Variants in BNC2 observed in about 807,000 individuals in gnomAD.
BNC2 encodes the protein basonuclin zinc finger protein 2, also known as zinc finger protein basonuclin-2.
In BNC2, 20 loss-of-function variants were observed where a neutral mutation model predicts 76.3. The ratio of observed to expected loss-of-function variants is 0.26; its 90% CI spans 0.18 to 0.38. BNC2 has a LOEUF of 0.38. Among genes scored for constraint, BNC2 ranks in the 10% least tolerant of loss-of-function variants. BNC2 has a pLI of 1.00. For missense variants in BNC2, 1,382 were observed against 1,399.8 expected (o/e 0.99, Z 0.20); for synonymous variants, 582 against 514.8 (o/e 1.13, Z -1.77).
chr9:16,507,306 G>A lies in BNC2; in HGVS notation c.669+45224C>T, dbSNP rs1176778835. 9.7e-5 allele frequency among the ~76,000 whole-genome samples: 12 copies of A among 123,098 alleles called. No homozygotes were observed. The East Asian group carries it at 1.1e-3, about 12-fold the overall frequency. The allele number at this position is 123,098 out of a possible 152,430, so 80.8% of individuals were successfully genotyped here. On this transcript the variant is annotated intron_variant, in intron 5 of 6. Transcript: ENST00000380672. ...GGAGTCTCGTTCTGTCGCCCATACCGGAGTGTGGAGTGCAGTGGCTTGATC... is the reference window on the plus strand; with the variant it reads ...GGAGTCTCGTTCTGTCGCCCATACCAGAGTGTGGAGTGCAGTGGCTTGATC...
At chr9:16,791,988 A>C (rs1309448313) in intron 1 of BNC2, among the ~76,000 whole-genome samples, 1 of 151,822 alleles carries the variant, frequency 6.6e-6, no homozygotes, top group South Asian at 2.1e-4. Context: ...TGTGGTCCCA[A>C]CTACTTGGGA....
chr9:16,759,792 C>T (rs546622302), intron 1 of BNC2, among the ~76,000 whole-genome samples: 3 of 151,692 alleles, frequency 2.0e-5, no homozygotes, highest in East Asian at 1.9e-4. Flanking sequence ...GGCACCATCC[C>T]GGCTCACTGC....
rs563935061 is a variant in BNC2, at chr9:16,669,220, T to C, written c.330+58577A>G. On this transcript the variant is annotated intron_variant, in intron 3 of 6. Transcript: ENST00000380672. ...TATAATGGAAAGCAACTGCCATATA[T>C]TGAAAGTGACCAACCACAAGATAAA... Among the ~76,000 whole-genome samples the C allele has an allele frequency of 7.2e-5, 11 of 152,288 alleles. 1 individual carries two copies. The South Asian group carries it at 2.3e-3, about 32-fold the overall frequency.
rs777030729 is a variant in BNC2 at position 16,437,065 on chromosome 9, T to G, written c.1129A>C (p.Lys377Gln). The G allele has an allele frequency of 6.2e-7, 1 of 1,614,094 alleles. No homozygotes were observed. Residue 377 changes from lysine to glutamine, a missense_variant, in exon 6 of 7, where the codon AAG (lysine) becomes CAG (glutamine). By Grantham distance (53) the Lys-to-Gln change is moderately conservative. Coordinates refer to ENST00000380672, the MANE Select transcript of BNC2 (RefSeq NM_017637.6). Reference sequence around the variant, plus strand: ...TTTCTATTGGGTGTTTGATCATTCTTATAAGGTGTGGGAGAAACTTCGGAT... The same window carrying G: ...TTTCTATTGGGTGTTTGATCATTCTGATAAGGTGTGGGAGAAACTTCGGAT... ...SESEVSPTPY[K>Q]NDQTPNRNAL...
In BNC2 at chr9:16,583,003, T is replaced by C. The variant is rs888266422; in HGVS notation, c.413A>G (p.Lys138Arg). The change falls in exon 4 of 7, where the codon AAA (lysine) becomes AGA (arginine). Residue 138 changes from lysine (K) to arginine (R), a missense_variant. By Grantham distance (26) the Lys-to-Arg change is conservative (BLOSUM62 2). Around this residue, in one of 3 missense-constraint regions of BNC2, gnomAD observed 557 missense variants for 540.9 expected, o/e 1.03. Transcript: ENST00000380672. ...CTCACCATGTGCCACCCAGCCATGTTTACACTGATCACAAGTCCTCAGGTT... is the reference window on the plus strand; with the variant it reads ...CTCACCATGTGCCACCCAGCCATGTCTACACTGATCACAAGTCCTCAGGTT... Reference protein sequence around the residue: ...KINLRTCDQCKHGWVAHALDK... With the variant: ...KINLRTCDQCRHGWVAHALDK... The C allele has an allele frequency of 5.0e-6, 8 of 1,613,680 alleles. No homozygotes were observed. Among genetic ancestry groups the C allele is most frequent in the Non-Finnish European group, 5.1e-6 (6 of 1,179,928 alleles).
intron 3 of BNC2, among the ~76,000 whole-genome samples, chr9:16,589,497 T>TTTTGTTTGTTTGTTTGTTTG (rs71325976): frequency 6.7e-6 from 1 of 148,998 alleles, no homozygotes; most frequent in Non-Finnish European, 1.5e-5. Flanking sequence ...AAAAGCCATT[T>TTTTGTTTGTTTGTTTGTTTG]TTTGTTTGTT....
intron 3 of BNC2, among the ~76,000 whole-genome samples, chr9:16,696,356 T>C (rs1292288389): frequency 6.6e-6 from 1 of 152,230 alleles, no homozygotes; most frequent in South Asian, 2.1e-4. Context: ...TTATGTCTCT[T>C]GCATACTGAT....
rs1820653142 is a variant in BNC2 at position 16,419,077 on chromosome 9, T to C, written c.3212A>G (p.Asn1071Ser). Residue 1071 changes from asparagine to serine, a missense_variant, in exon 7 of 7, where the codon AAT becomes AGT. Asn to Ser is a conservative substitution (Grantham distance 46). Transcript: ENST00000380672. ...EMHKCKVPGCNMMFSSVRSRN... is the reference protein window; with the variant it reads ...EMHKCKVPGCSMMFSSVRSRN... ...GCTTCGTACAGAGGAAAACATCATA[T>C]TGCAACCTGGGACTTTGCACTTGTG... The C allele has an allele frequency of 1.9e-6, 3 of 1,614,100 alleles. No homozygotes were observed. The highest frequency in any genetic ancestry group is 1.3e-5 in the African/African-American group (1 of 74,952).
intron 5 of BNC2, among the ~76,000 whole-genome samples, chr9:16,526,495 C>CTTTTTTTTTTTTTTTTTTTTTTTTTT (rs1817807644): frequency 4.0e-5 from 1 of 25,040 alleles, no homozygotes. Flanking sequence ...TTTTTTTTTG[C>CTTTTTTTTTTTTTTTTTTTTTTTTTT]CTTGTGATTC....
rs1824914513 is a variant in BNC2, at chr9:16,743,640, C to T, written c.4-5155G>A. On this transcript the variant is annotated intron_variant, in intron 1 of 6. Transcript: ENST00000380672. ...CTGATGCCAATGCAAACCACTCTTC[C>T]CATCCCACATCTGAACCACACTGGT... 2.0e-5 allele frequency among the ~76,000 whole-genome samples: 3 copies of T among 152,188 alleles called. No individual in the cohort carries two copies. The South Asian group carries it at 6.2e-4, about 32-fold the overall frequency.
chr9:16,860,141 C>T (rs1819362066), intron 1 of BNC2, among the ~76,000 whole-genome samples: 1 of 150,876 alleles, frequency 6.6e-6, no homozygotes, highest in African/African-American at 2.4e-5. Context: ...AAAGGATTAA[C>T]AAGATACATT....
At chr9:16,757,416 G>T (rs1825416971) in intron 1 of BNC2, among the ~76,000 whole-genome samples, 1 of 152,154 alleles carries the variant, frequency 6.6e-6, no homozygotes, top group Non-Finnish European at 1.5e-5. Context: ...TCAAGACAGA[G>T]ATAAACTCAC....
At chr9:16,652,168 A>G (rs1393805912) in intron 3 of BNC2, among the ~76,000 whole-genome samples, 1 of 152,244 alleles carries the variant, frequency 6.6e-6, no homozygotes, top group Non-Finnish European at 1.5e-5. Context: ...TAAAGACCCA[A>G]CAAAGAGAAA....
chr9:16,788,548 T>G (rs1453887779), intron 1 of BNC2, among the ~76,000 whole-genome samples: 1 of 139,018 alleles, frequency 7.2e-6, no homozygotes, highest in Non-Finnish European at 1.5e-5. Context: ...GCAACACTCC[T>G]TCTCAAAAAA....
At chr9:16,529,127 G>C (rs1817901138) in intron 5 of BNC2, among the ~76,000 whole-genome samples, 1 of 152,180 alleles carries the variant, frequency 6.6e-6, no homozygotes, top group African/African-American at 2.4e-5. Flanking sequence ...CAGGATGGTA[G>C]TTAGGGCCTA....
In BNC2 at chr9:16,418,980, A is replaced by G; in HGVS notation, c.*9T>C. 6.2e-7 allele frequency: 1 copy of G among 1,613,920 alleles called. No homozygotes were observed. Among genetic ancestry groups the G allele is most frequent in the Non-Finnish European group, 8.5e-7 (1 of 1,179,980 alleles). ...GTGAGAGCTGGCATTTGTAGTGTCC[A>G]TTCTGAGACTAATCTACTGAAGTGA... On this transcript the variant is annotated 3_prime_UTR_variant, in exon 7 of 7. Coordinates refer to ENST00000380672, the MANE Select transcript of BNC2 (RefSeq NM_017637.6).
chr9:16,655,666 T>C (rs1404080667), intron 3 of BNC2, among the ~76,000 whole-genome samples: 1 of 152,258 alleles, frequency 6.6e-6, no homozygotes, highest in Non-Finnish European at 1.5e-5. Context: ...AAAGATATTA[T>C]ACAACTTCCC....
intron 1 of BNC2, among the ~76,000 whole-genome samples, chr9:16,831,108 A>G (rs1270147347): frequency 6.6e-6 from 1 of 152,240 alleles, no homozygotes; most frequent in African/African-American, 2.4e-5. Flanking sequence ...TCCAATATAT[A>G]AAATCTGTTG....
chr9:16,737,047 C>G (rs1824693117), intron 2 of BNC2, among the ~76,000 whole-genome samples: 1 of 151,744 alleles, frequency 6.6e-6, no homozygotes, highest in Admixed American at 6.6e-5. Context: ...CTCAGGAGAT[C>G]CACCTGCCTC....
Sources: gnomAD v4.1 joint callset for allele counts (sites outside exome capture counted in the v4.1 genomes callset) on GRCh38, gnomAD v4.1.1 for gene constraint, gnomAD v4.1.1 regional missense constraint, MANE v1.5 for transcripts, NCBI Gene and HGNC (gene_info 2026-07-23, HGNC 2026-07-21) for gene names.